Variants in DCC observed in about 807,000 individuals in gnomAD.
DCC encodes the protein DCC netrin 1 receptor, also known as netrin receptor DCC.
Under a neutral mutation model 172.5 loss-of-function variants are expected in DCC, and 58 were observed. The ratio of observed to expected loss-of-function variants is 0.34; its 90% confidence interval spans 0.27 to 0.42. The LOEUF is 0.42. DCC is among the 10% of genes least tolerant of loss of function. The pLI is 1.00. For missense variants in DCC, 1,740 were observed against 1,791.0 expected (o/e 0.97, Z 0.51); for synonymous variants, 709 against 644.5 (o/e 1.10, Z -1.52).
chr18:53,471,359 C>A (rs1323549965), intron 25 of DCC, among the ~76,000 whole-genome samples: 1 of 152,186 alleles, frequency 6.6e-6, no homozygotes, highest in Non-Finnish European at 1.5e-5. Context: ...TTATTATTGA[C>A]TACAGTCACC....
At chr18:52,393,364 C>G (rs1276028743) in intron 1 of DCC, among the ~76,000 whole-genome samples, 1 of 152,058 alleles carries the variant, frequency 6.6e-6, no homozygotes, top group African/African-American at 2.4e-5. Context: ...CTCGAATGAC[C>G]TGAGTCAGTG....
At position 53,450,597 on chromosome 18, in the gene DCC, C is replaced by T. The variant is rs2045397644; in HGVS notation, c.3327C>T (p.Ile1109=). 6.2e-7 allele frequency: 1 copy of T among 1,613,786 alleles called. No individual in the cohort carries two copies. The highest frequency in any genetic ancestry group is 2.2e-5 in the East Asian group (1 of 44,820). The change falls in exon 23 of 29, where the codon ATC becomes ATT. Residue 1109 remains isoleucine (I), a synonymous_variant. Transcript: ENST00000442544. ...LVIIVVTVGV[I]TVLVVVIVAV... ...TCATTGTGGTCACCGTTGGTGTCAT[C>T]ACAGTGCTGGTAGTGGTCATCGTGG...
At chr18:53,030,148 G>T (rs1365692059) in intron 5 of DCC, among the ~76,000 whole-genome samples, 1 of 152,164 alleles carries the variant, frequency 6.6e-6, no homozygotes, top group Non-Finnish European at 1.5e-5. Flanking sequence ...CAAAAGACAA[G>T]AATGGAGATG....
chr18:52,830,316 C>T (rs1478012586), intron 2 of DCC, among the ~76,000 whole-genome samples: 4 of 152,114 alleles, frequency 2.6e-5, no homozygotes, highest in African/African-American at 4.8e-5. Flanking sequence ...CATCAGCTAT[C>T]GTTAGTGTAT....
chr18:53,053,077 A>T (rs771764279), intron 5 of DCC, among the ~76,000 whole-genome samples: 109 of 152,104 alleles, frequency 7.2e-4, no homozygotes, highest in Non-Finnish European at 1.3e-3. Context: ...TGGGAGGTGG[A>T]GGTTGTAGTG....
At chr18:53,058,440 G>T (rs551423162) in intron 5 of DCC, among the ~76,000 whole-genome samples, 1 of 152,046 alleles carries the variant, frequency 6.6e-6, no homozygotes, top group Admixed American at 6.6e-5. Context: ...TTTTAAAATG[G>T]TACTTCCCAT....
At chr18:53,246,022 A>C (rs903342619) in intron 12 of DCC, among the ~76,000 whole-genome samples, 5 of 152,040 alleles carry the variant, frequency 3.3e-5, no homozygotes, top group Admixed American at 6.6e-5. Flanking sequence ...ACCTAACACC[A>C]TGTCTGCTAC....
rs184420450 is a variant in DCC, at chr18:52,930,700, C to T, written c.985+5330C>T. On this transcript the variant is annotated intron_variant, in intron 5 of 28. Coordinates refer to ENST00000442544, the MANE Select transcript of DCC (RefSeq NM_005215.4). The stretch of plus-strand genomic sequence containing the variant: ...TTGCATTTTACATTTTGTGAATTTG[C>T]TGTCTTTTTTGACCTTCATACATTT... Among the ~76,000 whole-genome samples, 317 of 152,190 alleles carry T rather than the reference C, an allele frequency of 2.1e-3. 1 individual carries two copies. The highest frequency in any genetic ancestry group is 7.2e-3 in the African/African-American group (300 of 41,524).
intron 18 of DCC, among the ~76,000 whole-genome samples, chr18:53,398,994 A>G (rs1276240303): frequency 6.6e-6 from 1 of 152,160 alleles, no homozygotes; most frequent in Admixed American, 6.5e-5. Flanking sequence ...GATAAAGACC[A>G]TATGGGGCTA....
At chr18:52,535,979 C>G (rs2032277263) in intron 1 of DCC, among the ~76,000 whole-genome samples, 1 of 152,086 alleles carries the variant, frequency 6.6e-6, no homozygotes. Flanking sequence ...CTGGAATCTT[C>G]CATGAGAAGG....
intron 2 of DCC, among the ~76,000 whole-genome samples, chr18:52,874,612 C>A (rs192555007): frequency 6.6e-6 from 1 of 152,100 alleles, no homozygotes; most frequent in Non-Finnish European, 1.5e-5. Flanking sequence ...GTCTCTATTG[C>A]TATCACACAT....
At chr18:53,087,907 A>G (rs2042939186) in intron 7 of DCC, among the ~76,000 whole-genome samples, 1 of 151,730 alleles carries the variant, frequency 6.6e-6, no homozygotes, top group Non-Finnish European at 1.5e-5. Flanking sequence ...AAGATCAGAT[A>G]GTTGTAGATA....
intron 1 of DCC, among the ~76,000 whole-genome samples, chr18:52,509,070 G>A (rs957288889): frequency 6.6e-6 from 1 of 152,196 alleles, no homozygotes; most frequent in Non-Finnish European, 1.5e-5. Context: ...AGTAAGTGTG[G>A]AAGAACTTGA....
intron 15 of DCC, among the ~76,000 whole-genome samples, chr18:53,351,340 TATATATATACAC>T (rs2057797617): frequency 8.4e-5 from 6 of 71,304 alleles, no homozygotes; most frequent in African/African-American, 1.4e-4. Flanking sequence ...ATACAGTGTA[TATATATATACAC>T]AGTATATATA....
intron 14 of DCC, among the ~76,000 whole-genome samples, chr18:53,334,976 T>C (rs1359653457): frequency 6.6e-6 from 1 of 152,190 alleles, no homozygotes; most frequent in Non-Finnish European, 1.5e-5. Flanking sequence ...CAGGATCATA[T>C]GTTAATTCTA....
intron 5 of DCC, among the ~76,000 whole-genome samples, chr18:52,936,033 A>G (rs1383715077): frequency 1.3e-5 from 2 of 152,100 alleles, no homozygotes; most frequent in Admixed American, 6.6e-5. Flanking sequence ...TACCAAATGA[A>G]TCATACTGAA....
chr18:53,094,064 G>C (rs2043050371), intron 7 of DCC, among the ~76,000 whole-genome samples: 1 of 152,190 alleles, frequency 6.6e-6, no homozygotes, highest in South Asian at 2.1e-4. Flanking sequence ...GGAATTTTAA[G>C]ATGATACCAA....
At chr18:52,706,526 G>A (rs1028611216) in intron 1 of DCC, among the ~76,000 whole-genome samples, 7 of 152,174 alleles carry the variant, frequency 4.6e-5, no homozygotes, top group Non-Finnish European at 8.8e-5. Context: ...TCTGAATCCT[G>A]TTCATTTATC....
At chr18:52,742,329 AT>A (rs1465497969) in intron 1 of DCC, among the ~76,000 whole-genome samples, 1 of 151,876 alleles carries the variant, frequency 6.6e-6, no homozygotes, top group Non-Finnish European at 1.5e-5. Flanking sequence ...TTCCCTCTTG[AT>A]TTTCTTCTAT....
Sources: allele counts gnomAD v4.1 joint callset (sites outside exome capture counted in the v4.1 genomes callset), GRCh38; gene constraint gnomAD v4.1.1; transcripts MANE v1.5; gene names NCBI Gene and HGNC (gene_info 2026-07-23, HGNC 2026-07-21).